ANKS6: variants seen among roughly 807,000 people sequenced by gnomAD.
The protein encoded by ANKS6 is ankyrin repeat and SAM domain-containing protein 6.
Under a neutral mutation model 77.9 loss-of-function variants are expected in ANKS6, and 47 were observed. That is an observed-to-expected ratio of 0.60 (90% CI 0.48 to 0.77). ANKS6 has a LOEUF of 0.77. ANKS6 is among the 30% of genes least tolerant of loss of function. The pLI is 0.00. For synonymous variants in ANKS6, 488 were observed against 501.7 expected, an observed-to-expected ratio of 0.97 and a Z score of 0.37; for missense variants, 1,150 against 1,159.1, an observed-to-expected ratio of 0.99 and a Z score of 0.11.
chr9:98,773,212 G>A (rs1423691275), intron 9 of ANKS6, among the ~76,000 whole-genome samples: 2 of 152,208 alleles, frequency 1.3e-5, no homozygotes, highest in Non-Finnish European at 2.9e-5. Context: ...AGCCCTAGGA[G>A]GCAGCAGTGA....
At position 98,768,096 on chromosome 9, in the gene ANKS6, G is replaced by A. The variant is rs553135386; in HGVS notation, c.2127C>T (p.Ser709=). 237 of 1,609,852 alleles carry A rather than the reference G, an allele frequency of 1.5e-4. 2 individuals are homozygous for A. In the South Asian group the frequency reaches 2.1e-3, roughly 14 times the overall value. ...AAACAAGCACCTTGCCAACAGGAGCGCTGCCACCTGCAGGGGAGGCTGGAA... is the reference window on the plus strand; with the variant it reads ...AAACAAGCACCTTGCCAACAGGAGCACTGCCACCTGCAGGGGAGGCTGGAA... ...SELPASPAGG[S]APVGKKLETS... Residue 709 remains serine (S), a synonymous_variant, in exon 11 of 15, where the codon AGC becomes AGT. Transcript: ENST00000353234.
chr9:98,783,608 A>C (rs1668113624), intron 4 of ANKS6: 1 of 198,228 alleles, frequency 5.0e-6, no homozygotes, highest in Admixed American at 6.0e-5. Context: ...GGAGCTACTT[A>C]AGGAGGTCAC....
chr9:98,748,387 T>C (rs1280587903), intron 13 of ANKS6, among the ~76,000 whole-genome samples: 1 of 152,226 alleles, frequency 6.6e-6, no homozygotes, highest in African/African-American at 2.4e-5. Context: ...CCTTTCAATA[T>C]TCATGCCCTA....
Position 98,736,306 on chromosome 9 carries a change from G to A in ANKS6, c.*213C>T, listed in dbSNP as rs779814342. ...CCTGCCAAGCAGAAGCACCCCCACTGGACTGTTACATGGGAATCTGTCTCT... is the reference window on the plus strand; with the variant it reads ...CCTGCCAAGCAGAAGCACCCCCACTAGACTGTTACATGGGAATCTGTCTCT... On this transcript the variant is annotated 3_prime_UTR_variant, in exon 15 of 15. Coordinates refer to ENST00000353234, the MANE Select transcript of ANKS6 (RefSeq NM_173551.5). 46 of 1,396,996 alleles carry A rather than the reference G, an allele frequency of 3.3e-5. No homozygotes were observed. Among genetic ancestry groups the A allele is most frequent in the Non-Finnish European group, 4.3e-5 (46 of 1,080,078 alleles). 86.5% of individuals were successfully genotyped at this position (1,396,996 alleles called of 1,614,324 possible).
chr9:98,762,318 G>C (rs1833061761), intron 11 of ANKS6, among the ~76,000 whole-genome samples: 3 of 152,172 alleles, frequency 2.0e-5, no homozygotes, highest in South Asian at 4.1e-4. Flanking sequence ...CATCCTAAGA[G>C]CTTTTGTGTA....
Position 98,750,970 on chromosome 9 carries a change from T to C in ANKS6, c.2394+59A>G, listed in dbSNP as rs541338200. 11 of 1,426,614 alleles carry C rather than the reference T, an allele frequency of 7.7e-6. No individual in the cohort carries two copies. In the African/African-American group the frequency reaches 8.5e-5, roughly 11 times the overall value. 88.4% of individuals were successfully genotyped at this position (1,426,614 alleles called of 1,614,324 possible). A position where few individuals can be genotyped will look rare whatever the true frequency, so the allele number is the denominator to read the frequency against. On this transcript the variant is annotated intron_variant, in intron 13 of 14. Transcript: ENST00000353234. ...CTTGCAAAATGAAAACCTACACATT[T>C]AGACAAATTTTTCTTTCATAGTAAG...
chr9:98,761,782 TTGTC>T (rs1345193261), intron 11 of ANKS6, among the ~76,000 whole-genome samples: 1 of 152,198 alleles, frequency 6.6e-6, no homozygotes, highest in Non-Finnish European at 1.5e-5. Context: ...ACTGATCTAT[TTGTC>T]TGCCCTTTTG....
intron 5 of ANKS6, among the ~76,000 whole-genome samples, chr9:98,780,720 C>T (rs1199975165): frequency 6.6e-6 from 1 of 152,150 alleles, no homozygotes; most frequent in Non-Finnish European, 1.5e-5. Context: ...CATTAATACC[C>T]ACCACATAAA....
chr9:98,736,451 G>T lies in ANKS6; in HGVS notation c.*68C>A, dbSNP rs1831506092. The T allele has an allele frequency of 2.0e-6, 3 of 1,517,350 alleles. No individual in the cohort carries two copies. The Admixed American group carries it at 6.3e-5, about 32-fold the overall frequency. 94.0% of individuals were successfully genotyped at this position (1,517,350 alleles called of 1,614,324 possible). On this transcript the variant is annotated 3_prime_UTR_variant, in exon 15 of 15. Transcript: ENST00000353234. Reference sequence around the variant, plus strand: ...ACAGCAGTGTGACGGGGGCAGGGCTGGGGCTGTGGCCACGTGAAGGGGTCC... The same window carrying T: ...ACAGCAGTGTGACGGGGGCAGGGCTTGGGCTGTGGCCACGTGAAGGGGTCC...
At chr9:98,780,973 C>G (rs556116711) in intron 5 of ANKS6, among the ~76,000 whole-genome samples, 41 of 150,748 alleles carry the variant, frequency 2.7e-4, no homozygotes, top group Admixed American at 2.6e-3. Flanking sequence ...ACAATCTTGG[C>G]TCACCGCAAC....
chr9:98,766,062 T>A (rs1243977464), intron 11 of ANKS6, among the ~76,000 whole-genome samples: 1 of 152,220 alleles, frequency 6.6e-6, no homozygotes, highest in Admixed American at 6.5e-5. Flanking sequence ...CCCGAGAGCC[T>A]CATTCAGGTA....
chr9:98,736,433 T>C lies in ANKS6; in HGVS notation c.*86A>G. 1 of 1,475,268 alleles carries C rather than the reference T, an allele frequency of 6.8e-7. No homozygotes were observed. The highest frequency in any genetic ancestry group is 9.0e-7 in the Non-Finnish European group (1 of 1,112,870). 91.4% of individuals were successfully genotyped at this position (1,475,268 alleles called of 1,614,324 possible). ...GAACAACATGACTAAGGCACAGCAGTGTGACGGGGGCAGGGCTGGGGCTGT... is the reference window on the plus strand; with the variant it reads ...GAACAACATGACTAAGGCACAGCAGCGTGACGGGGGCAGGGCTGGGGCTGT... On this transcript the variant is annotated 3_prime_UTR_variant, in exon 15 of 15. Transcript: ENST00000353234.
intron 8 of ANKS6, among the ~76,000 whole-genome samples, chr9:98,776,854 G>A (rs1204831361): frequency 6.6e-6 from 1 of 152,128 alleles, no homozygotes; most frequent in Non-Finnish European, 1.5e-5. Flanking sequence ...CTACACATGG[G>A]GGACCAACAG....
chr9:98,738,007 G>A (rs951082129), intron 14 of ANKS6, among the ~76,000 whole-genome samples: 3 of 152,094 alleles, frequency 2.0e-5, no homozygotes, highest in African/African-American at 7.2e-5. Flanking sequence ...TTCAACCAAT[G>A]GTGCTGGGAT....
chr9:98,776,573 G>A (rs1354405104), intron 8 of ANKS6, among the ~76,000 whole-genome samples: 1 of 151,936 alleles, frequency 6.6e-6, no homozygotes, highest in African/African-American at 2.4e-5. Flanking sequence ...GCTAATTTTT[G>A]TATTTTTAGT....
intron 13 of ANKS6, among the ~76,000 whole-genome samples, chr9:98,747,999 C>T (rs1332712898): frequency 2.0e-5 from 3 of 152,230 alleles, no homozygotes; most frequent in South Asian, 4.1e-4. Flanking sequence ...CTTCCAGGTC[C>T]GTTCCCCCTC....
chr9:98,748,974 T>C (rs1239253631), intron 13 of ANKS6, among the ~76,000 whole-genome samples: 1 of 152,140 alleles, frequency 6.6e-6, no homozygotes, highest in Non-Finnish European at 1.5e-5. Flanking sequence ...AAAAGTGCTA[T>C]CTACATGCCC....
intron 7 of ANKS6, 61 bp from the exon 8 acceptor site, chr9:98,777,515 A>T: frequency 6.5e-7 from 1 of 1,537,196 alleles, no homozygotes; most frequent in Non-Finnish European, 9.0e-7. Context: ...CATAAGGATG[A>T]GTGACTGGGG....
At chr9:98,748,795 T>C (rs1358074381) in intron 13 of ANKS6, among the ~76,000 whole-genome samples, 3 of 152,178 alleles carry the variant, frequency 2.0e-5, no homozygotes, top group African/African-American at 7.2e-5. Flanking sequence ...CAAATACACA[T>C]AGTTAAATCC....
Sources: gnomAD v4.1 joint callset for allele counts (sites outside exome capture counted in the v4.1 genomes callset) on GRCh38, gnomAD v4.1.1 for gene constraint, MANE v1.5 for transcripts, NCBI Gene and HGNC (gene_info 2026-07-23, HGNC 2026-07-21) for gene names.